Variants in ARHGAP44 observed in about 807,000 individuals in gnomAD.
ARHGAP44 encodes the protein rho GTPase-activating protein 44.
A neutral mutation model predicts 106.8 loss-of-function variants in ARHGAP44; 43 were observed. That is an observed-to-expected ratio of 0.40 (90% CI 0.32 to 0.52). The LOEUF (loss-of-function observed/expected upper bound fraction) is 0.52, where lower values mean the gene tolerates loss of function less well. Ranked by LOEUF, ARHGAP44 falls within the 20% of genes least tolerant of loss-of-function variation. ARHGAP44 has a pLI of 0.48. For missense variants in ARHGAP44, 866 were observed against 1,050.5 expected (o/e 0.82, Z 2.43); for synonymous variants, 439 against 410.3 (o/e 1.07, Z -0.85).
At chr17:12,944,233 G>A in intron 10 of ARHGAP44, 37 bp downstream of exon 10, 30 of 1,556,402 alleles carry the variant, frequency 1.9e-5, no homozygotes, top group Non-Finnish European at 2.6e-5. Flanking sequence ...CCCCGGGCAG[G>A]TCTCCTCTTC....
chr17:12,981,043 C>A (rs941898051), intron 19 of ARHGAP44: 1 of 152,194 alleles, frequency 6.6e-6, no homozygotes, highest in Non-Finnish European at 1.5e-5. Context: ...CAGTTTCATT[C>A]TCTTTGTCTG....
At chr17:12,851,085 A>C (rs1286891147) in intron 1 of ARHGAP44, among the ~76,000 whole-genome samples, 1 of 152,216 alleles carries the variant, frequency 6.6e-6, no homozygotes, top group Non-Finnish European at 1.5e-5. Context: ...TGTGCTCCTC[A>C]AGCATCAGCA....
At chr17:12,961,456 CG>C (rs2143203198) in intron 16 of ARHGAP44, among the ~76,000 whole-genome samples, 1 of 152,216 alleles carries the variant, frequency 6.6e-6, no homozygotes, top group South Asian at 2.1e-4. Flanking sequence ...AAATTCAGGC[CG>C]GGCGTGGTGG....
chr17:12,964,741 C>T (rs868028389), intron 16 of ARHGAP44, among the ~76,000 whole-genome samples: 10 of 152,040 alleles, frequency 6.6e-5, no homozygotes, highest in South Asian at 2.1e-4. Flanking sequence ...GAGCCAAGAT[C>T]GCACCACTGC....
chr17:12,973,349 A>G (rs1307186026), intron 17 of ARHGAP44, 30 bp downstream of exon 17: 3 of 1,601,678 alleles, frequency 1.9e-6, no homozygotes, highest in Non-Finnish European at 2.6e-6. Flanking sequence ...CTATGAGGCC[A>G]TGCTCAGTCT....
At chr17:12,802,927 TTATA>T (rs1159214788) in intron 1 of ARHGAP44, among the ~76,000 whole-genome samples, 394 of 29,210 alleles carry the variant, frequency 0.013, 3 homozygotes, top group Admixed American at 0.023. Context: ...CCTGGCTAAT[TTATA>T]TATATATATA....
At chr17:12,962,544 A>G (rs1349781735) in intron 16 of ARHGAP44, among the ~76,000 whole-genome samples, 1 of 152,228 alleles carries the variant, frequency 6.6e-6, no homozygotes, top group Non-Finnish European at 1.5e-5. Flanking sequence ...TGGGCTCTAC[A>G]TGACATCATG....
chr17:12,971,216 T>G (rs2039520829), intron 16 of ARHGAP44, among the ~76,000 whole-genome samples: 1 of 152,118 alleles, frequency 6.6e-6, no homozygotes, highest in Non-Finnish European at 1.5e-5. Context: ...ACCTACCCCA[T>G]GCCCAAGCTG....
At chr17:12,812,851 C>A (rs1167329134) in intron 1 of ARHGAP44, among the ~76,000 whole-genome samples, 1 of 152,186 alleles carries the variant, frequency 6.6e-6, no homozygotes, top group Non-Finnish European at 1.5e-5. Flanking sequence ...TTTGAACTGA[C>A]CTTACTTTGG....
rs1452873183 is a variant in ARHGAP44 at position 12,958,893 on chromosome 17, G to A, written c.1519G>A (p.Asp507Asn). Residue 507 changes from aspartate (D) to asparagine (N), a missense_variant, in exon 16 of 21, where the codon GAT becomes AAT. Asp to Asn is a conservative substitution (Grantham distance 23, BLOSUM62 1). Around this residue, in one of 2 missense-constraint regions of ARHGAP44, gnomAD observed 448 missense variants for 646.9 expected, o/e 0.69. Coordinates refer to ENST00000379672, the MANE Select transcript of ARHGAP44 (RefSeq NM_014859.6). This position sits in a 1 kb window ranked among gnomAD's most constrained non-coding sequence, Gnocchi z 4.1. ...DNMMLEFYKK[D>N]GLRKIQSMGV... ...TATGATGCTGGAGTTTTACAAAAAGGATGGGTATGAACTGGTGTCTCTTTC... is the reference window on the plus strand; with the variant it reads ...TATGATGCTGGAGTTTTACAAAAAGAATGGGTATGAACTGGTGTCTCTTTC... 3.1e-6 allele frequency: 5 copies of A among 1,603,866 alleles called. No homozygotes were observed. The highest frequency in any genetic ancestry group is 1.7e-5 in the Admixed American group (1 of 58,072).
chr17:12,800,938 A>C (rs1379754321), intron 1 of ARHGAP44, among the ~76,000 whole-genome samples: 1 of 152,238 alleles, frequency 6.6e-6, no homozygotes, highest in African/African-American at 2.4e-5. Context: ...GACTTGAATA[A>C]AAATAAAAAT....
chr17:12,805,935 G>C (rs2034261707), intron 1 of ARHGAP44, among the ~76,000 whole-genome samples: 1 of 152,166 alleles, frequency 6.6e-6, no homozygotes, highest in South Asian at 2.1e-4. Context: ...CCTCTTCATT[G>C]ATTAGCCATT....
intron 6 of ARHGAP44, 78 bp downstream of exon 6, chr17:12,919,909 C>A: frequency 8.1e-7 from 1 of 1,241,658 alleles, no homozygotes; most frequent in Non-Finnish European, 1.1e-6. Flanking sequence ...TTTAAGTAGG[C>A]AATTGTGTTT....
intron 6 of ARHGAP44, 34 bp downstream of exon 6, chr17:12,919,865 G>C (rs1354726614): frequency 6.4e-7 from 1 of 1,574,462 alleles, no homozygotes; most frequent in South Asian, 1.2e-5. Context: ...TTGCTTCTTT[G>C]AAGGGACAGT....
chr17:12,888,229 G>A (rs778509822), intron 1 of ARHGAP44, among the ~76,000 whole-genome samples: 2 of 151,980 alleles, frequency 1.3e-5, no homozygotes, highest in African/African-American at 2.4e-5. Flanking sequence ...CTTTTCTAAT[G>A]TATAGATTTA....
At chr17:12,962,976 G>A (rs11868820) in intron 16 of ARHGAP44, among the ~76,000 whole-genome samples, 15,336 of 150,142 alleles carry the variant, frequency 0.1, 901 homozygotes, top group South Asian at 0.21. Context: ...ACCCAGGGAG[G>A]CGGAGGTTGC....
chr17:12,809,664 A>G (rs1424573271), intron 1 of ARHGAP44, among the ~76,000 whole-genome samples: 1 of 152,166 alleles, frequency 6.6e-6, no homozygotes, highest in Non-Finnish European at 1.5e-5. Context: ...CAGCCAAACC[A>G]TATCAGGGGA....
chr17:12,908,349 A>G (rs1188462190), intron 3 of ARHGAP44, among the ~76,000 whole-genome samples: 1 of 151,870 alleles, frequency 6.6e-6, no homozygotes, highest in Non-Finnish European at 1.5e-5. Flanking sequence ...GGCATGCACC[A>G]CCACACCCAG....
At chr17:12,865,505 T>G (rs1036704799) in intron 1 of ARHGAP44, among the ~76,000 whole-genome samples, 5 of 152,074 alleles carry the variant, frequency 3.3e-5, no homozygotes, top group African/African-American at 1.2e-4. Context: ...AAATCAGTAG[T>G]GAGGCTGGGT....
Sources: allele counts gnomAD v4.1 joint callset (sites outside exome capture counted in the v4.1 genomes callset), GRCh38; gene constraint gnomAD v4.1.1; regional missense constraint gnomAD v4.1.1; non-coding constraint Gnocchi (gnomAD v3.1); transcripts MANE v1.5; gene names NCBI Gene and HGNC (gene_info 2026-07-23, HGNC 2026-07-21).